Variants in GABRA1 observed in about 807,000 individuals in gnomAD.
GABRA1 encodes gamma-aminobutyric acid type A receptor subunit alpha1, also known as gamma-aminobutyric acid receptor subunit alpha-1.
GABRA1 carries 9 observed loss-of-function variants against 48.9 expected under a neutral mutation model. The ratio of observed to expected loss-of-function variants is 0.18; its 90% CI spans 0.11 to 0.32. The LOEUF is 0.32. Among genes scored for constraint, GABRA1 ranks in the 10% least tolerant of loss-of-function variants. The probability of loss-of-function intolerance (pLI) is 1.00; values close to 1 mark genes in which losing one functional copy is unlikely to be tolerated. For missense variants in GABRA1, 285 were observed against 553.8 expected, an observed-to-expected ratio of 0.51 and a Z score of 4.87; for synonymous variants, 210 against 198.7, an observed-to-expected ratio of 1.06 and a Z score of -0.48.
In GABRA1 at chr5:161,897,253, A is replaced by G. The variant is rs745362654; in HGVS notation, c.1202A>G (p.Lys401Arg). The change falls in exon 10 of 10, where the codon AAG becomes AGG. Residue 401 changes from lysine (K) to arginine (R), a missense_variant. By Grantham distance (26) the Lys-to-Arg change is conservative (BLOSUM62 2). This residue lies in a region of GABRA1 where 99 missense variants were observed against 94.2 expected (regional missense o/e 1.05). Coordinates refer to ENST00000393943, the MANE Select transcript of GABRA1 (RefSeq NM_001127644.2). ...KSATIEPKEVKPETKPPEPKK... is the reference protein window; with the variant it reads ...KSATIEPKEVRPETKPPEPKK... ...GCAACCATAGAACCTAAAGAGGTCAAGCCCGAAACAAAACCACCAGAACCC... is the reference window on the plus strand; with the variant it reads ...GCAACCATAGAACCTAAAGAGGTCAGGCCCGAAACAAAACCACCAGAACCC... 9.3e-6 allele frequency: 15 copies of G among 1,614,216 alleles called. No homozygotes were observed. Among genetic ancestry groups the G allele is most frequent in the Non-Finnish European group, 1.3e-5 (15 of 1,180,020 alleles).
At chr5:161,873,991 A>T (rs1043526722) in intron 5 of GABRA1, among the ~76,000 whole-genome samples, 2 of 152,196 alleles carry the variant, frequency 1.3e-5, no homozygotes, top group Admixed American at 1.3e-4. Context: ...TATATAGAAA[A>T]AAAGAGATGT....
intron 6 of GABRA1, among the ~76,000 whole-genome samples, chr5:161,880,550 T>C (rs548340464): frequency 5.3e-5 from 8 of 152,324 alleles, no homozygotes; most frequent in African/African-American, 1.9e-4. Flanking sequence ...TTCAAAATTA[T>C]CCATTTCGTA....
chr5:161,894,451 A>G (rs906733189), intron 8 of GABRA1, among the ~76,000 whole-genome samples: 1 of 152,178 alleles, frequency 6.6e-6, no homozygotes, highest in African/African-American at 2.4e-5. Context: ...TCCTTCTCCT[A>G]GAATTTCAAC....
At chr5:161,851,764 G>A (rs1368303768) in intron 2 of GABRA1, among the ~76,000 whole-genome samples, 1 of 152,116 alleles carries the variant, frequency 6.6e-6, no homozygotes, top group Non-Finnish European at 1.5e-5. Flanking sequence ...GTTTTCTGTT[G>A]TTGTTTTTTG....
intron 2 of GABRA1, among the ~76,000 whole-genome samples, chr5:161,852,824 G>T (rs74869118): frequency 0.074 from 11,260 of 151,870 alleles, 476 homozygotes; most frequent in South Asian, 0.12. Context: ...CAGAATAATA[G>T]CCATTGCATT....
intron 4 of GABRA1, among the ~76,000 whole-genome samples, chr5:161,867,730 T>A (rs749214534): frequency 1.3e-5 from 2 of 152,046 alleles, no homozygotes; most frequent in Non-Finnish European, 2.9e-5. Context: ...ATCAAATACT[T>A]CCGCAGAGGC....
At chr5:161,849,033 A>C (rs1246272016) in intron 1 of GABRA1, 4 of 454,140 alleles carry the variant, frequency 8.8e-6, no homozygotes, top group Non-Finnish European at 1.3e-5. Context: ...ATGGCATGGG[A>C]TGGTAACGTT....
intron 3 of GABRA1, among the ~76,000 whole-genome samples, chr5:161,860,958 T>C (rs1581185378): frequency 6.6e-6 from 1 of 151,884 alleles, no homozygotes; most frequent in Admixed American, 6.6e-5. Context: ...ATGTTGTCTA[T>C]AGATCATTCC....
intron 3 of GABRA1, among the ~76,000 whole-genome samples, chr5:161,862,767 C>T (rs778867791): frequency 2.0e-5 from 3 of 151,854 alleles, no homozygotes; most frequent in Non-Finnish European, 4.4e-5. Context: ...GCAATAGATG[C>T]CTCTCAAAGT....
Position 161,895,570 on chromosome 5 carries a change from T to C in GABRA1, c.857-96T>C. 5 of 1,091,368 alleles carry C rather than the reference T, an allele frequency of 4.6e-6. 1 individual carries two copies. Among genetic ancestry groups the C allele is most frequent in the South Asian group, 2.6e-5 (2 of 76,092 alleles). 67.6% of individuals were successfully genotyped at this position (1,091,368 alleles called of 1,614,324 possible). A position where few individuals can be genotyped will look rare whatever the true frequency, so the allele number is the denominator to read the frequency against. On this transcript the variant is annotated intron_variant, in intron 8 of 9. Coordinates refer to ENST00000393943, the MANE Select transcript of GABRA1 (RefSeq NM_001127644.2). Reference sequence around the variant, plus strand: ...GTCTAGAAACCACATTCTGTCATGATACTGTTGATTTCCTTTTGTTCAAGT... The same window carrying C: ...GTCTAGAAACCACATTCTGTCATGACACTGTTGATTTCCTTTTGTTCAAGT...
intron 3 of GABRA1, 113 bp downstream of exon 3, chr5:161,854,383 T>A (rs1757565373): frequency 1.4e-6 from 1 of 723,752 alleles, no homozygotes; most frequent in Middle Eastern, 2.4e-4. Flanking sequence ...TGTAATTTAA[T>A]GACAAATCTA....
intron 6 of GABRA1, 46 bp downstream of exon 6, chr5:161,875,688 A>T: frequency 3.0e-6 from 4 of 1,349,152 alleles, no homozygotes; most frequent in Non-Finnish European, 4.3e-6. Context: ...GTCATTAAGC[A>T]AGAGATCTCT....
chr5:161,867,531 T>A (rs1349677117), intron 4 of GABRA1, among the ~76,000 whole-genome samples: 1 of 152,170 alleles, frequency 6.6e-6, no homozygotes, highest in East Asian at 1.9e-4. Flanking sequence ...AGGCTCAAAG[T>A]CTTTCAAATG....
chr5:161,862,114 CA>C (rs1008450380), intron 3 of GABRA1, among the ~76,000 whole-genome samples: 11 of 151,822 alleles, frequency 7.2e-5, no homozygotes, highest in African/African-American at 2.7e-4. Flanking sequence ...TTATTACAGT[CA>C]CTCTTGCATT....
chr5:161,872,895 A>C (rs1325076786), intron 4 of GABRA1, among the ~76,000 whole-genome samples: 4 of 152,192 alleles, frequency 2.6e-5, no homozygotes, highest in African/African-American at 9.7e-5. Flanking sequence ...CTGACCAAAA[A>C]ATATGTCAGG....
At chr5:161,859,924 T>C (rs1376762486) in intron 3 of GABRA1, among the ~76,000 whole-genome samples, 1 of 151,798 alleles carries the variant, frequency 6.6e-6, no homozygotes, top group Non-Finnish European at 1.5e-5. Flanking sequence ...TAGTATTATG[T>C]TTTGAAATTC....
At chr5:161,879,653 T>C (rs1447719454) in intron 6 of GABRA1, among the ~76,000 whole-genome samples, 1 of 152,178 alleles carries the variant, frequency 6.6e-6, no homozygotes, top group African/African-American at 2.4e-5. Context: ...CTTAAAATAC[T>C]AACTTGCATC....
intron 8 of GABRA1, 119 bp downstream of exon 8, chr5:161,891,169 CAG>C: frequency 3.1e-6 from 3 of 971,702 alleles, no homozygotes; most frequent in Non-Finnish European, 4.8e-6. Context: ...GTTCATATAA[CAG>C]AAAGTTTCAA....
chr5:161,871,535 A>C (rs553491121), intron 4 of GABRA1, among the ~76,000 whole-genome samples: 1 of 152,246 alleles, frequency 6.6e-6, no homozygotes, highest in African/African-American at 2.4e-5. Flanking sequence ...ACATTGTATC[A>C]CTTGCTGATA....
Sources: allele counts gnomAD v4.1 joint callset (sites outside exome capture counted in the v4.1 genomes callset), GRCh38; gene constraint gnomAD v4.1.1; regional missense constraint gnomAD v4.1.1; transcripts MANE v1.5; gene names NCBI Gene and HGNC (gene_info 2026-07-23, HGNC 2026-07-21).